Variants in TENM3 observed in about 807,000 individuals in gnomAD.
The protein encoded by TENM3 is teneurin transmembrane protein 3.
Under a neutral mutation model 255.1 loss-of-function variants are expected in TENM3, and 63 were observed. The observed-to-expected ratio is 0.25, with a 90% CI of 0.20 to 0.30. The LOEUF is 0.30. Among genes scored for constraint, TENM3 ranks in the 10% least tolerant of loss-of-function variants. The probability of loss-of-function intolerance (pLI) is 1.00; values close to 1 mark genes in which losing one functional copy is unlikely to be tolerated. For missense variants in TENM3, 2,929 were observed against 3,461.1 expected (o/e 0.85, Z 3.86); for synonymous variants, 1,306 against 1,322.3 (o/e 0.99, Z 0.27).
At chr4:182,142,341 T>G (rs1350698533), upstream of TENM3, 1 of 159,064 alleles carries the variant, frequency 6.3e-6, no homozygotes, top group Non-Finnish European at 1.5e-5. Context: ...ACTTCTCTAC[T>G]TAACGCGCTG....
upstream of TENM3, among the ~76,000 whole-genome samples, chr4:182,242,503 A>G (rs1191021517): frequency 1.8e-4 from 28 of 152,116 alleles, no homozygotes; most frequent in Admixed American, 1.8e-3. Context: ...GCTCATGCTT[A>G]TAACCCCAGC....
the TENM3 span, among the ~76,000 whole-genome samples, chr4:181,679,566 C>A: frequency 1.3e-3 from 198 of 152,146 alleles, no homozygotes; most frequent in African/African-American, 4.4e-3. Context: ...ATTCACTGTC[C>A]TAGATGGAAA....
the TENM3 span, among the ~76,000 whole-genome samples, chr4:181,570,212 A>AT: frequency 5.3e-5 from 8 of 151,592 alleles, no homozygotes; most frequent in Non-Finnish European, 1.2e-4. Flanking sequence ...CGCCCGGCTA[A>AT]TTTTTTGTAT....
intron 1 of TENM3, among the ~76,000 whole-genome samples, chr4:182,288,939 C>T (rs1760924556): frequency 2.0e-5 from 3 of 152,076 alleles, no homozygotes; most frequent in South Asian, 4.1e-4. Context: ...AAGATTCATG[C>T]GAGGGCCAGG....
At chr4:181,741,986 C>T in the TENM3 span, among the ~76,000 whole-genome samples, 3 of 152,252 alleles carry the variant, frequency 2.0e-5, no homozygotes, top group Non-Finnish European at 4.4e-5. Flanking sequence ...ACACTTATTA[C>T]TTATCGCTTG....
At chr4:182,299,632 C>T (rs755564015) in intron 1 of TENM3, among the ~76,000 whole-genome samples, 4 of 152,126 alleles carry the variant, frequency 2.6e-5, no homozygotes, top group Non-Finnish European at 5.9e-5. Flanking sequence ...TAGCAGGCAC[C>T]TCAGGATAAT....
chr4:182,689,144 A>G (rs778717509), intron 12 of TENM3, among the ~76,000 whole-genome samples: 5 of 152,328 alleles, frequency 3.3e-5, no homozygotes, highest in East Asian at 1.9e-4. Flanking sequence ...ATAAATTTCT[A>G]TATCACTTCA....
intron 3 of TENM3, among the ~76,000 whole-genome samples, chr4:182,581,286 A>C (rs919224928): frequency 2.0e-5 from 3 of 152,354 alleles, no homozygotes; most frequent in Non-Finnish European, 2.9e-5. Context: ...AAGAAATTAA[A>C]GAGTTACCGG....
chr4:182,366,456 A>G (rs1381013064), intron 3 of TENM3, among the ~76,000 whole-genome samples: 2 of 151,832 alleles, frequency 1.3e-5, no homozygotes, highest in African/African-American at 4.8e-5. Context: ...ATTCATCTGA[A>G]TTTTGTAATG....
chr4:182,733,840 G>A (rs147115908), intron 16 of TENM3, among the ~76,000 whole-genome samples: 97 of 152,230 alleles, frequency 6.4e-4, no homozygotes, highest in African/African-American at 2.1e-3. Flanking sequence ...TCTAAACTTC[G>A]TAGTCAGTCC....
the TENM3 span, among the ~76,000 whole-genome samples, chr4:181,720,849 T>A: frequency 2.0e-5 from 3 of 151,994 alleles, no homozygotes; most frequent in Non-Finnish European, 4.4e-5. Context: ...CTTGTGTGAG[T>A]CATAAACTAA....
chr4:181,872,333 A>T, the TENM3 span, among the ~76,000 whole-genome samples: 2 of 120,182 alleles, frequency 1.7e-5, no homozygotes, highest in African/African-American at 6.0e-5. Flanking sequence ...TTAAACTTTT[A>T]TTTTAAGTTC....
At chr4:181,947,259 T>C in the TENM3 span, among the ~76,000 whole-genome samples, 53 of 152,358 alleles carry the variant, frequency 3.5e-4, no homozygotes, top group Non-Finnish European at 4.6e-4. Flanking sequence ...TACGTACACT[T>C]GTGACAAAGT....
chr4:181,543,756 G>A, the TENM3 span, among the ~76,000 whole-genome samples: 3,105 of 152,196 alleles, frequency 0.02, 91 homozygotes, highest in African/African-American at 0.07. Context: ...TTAGTGTTTC[G>A]TATTAGGCTG....
At chr4:181,751,703 T>C in the TENM3 span, among the ~76,000 whole-genome samples, 1 of 152,100 alleles carries the variant, frequency 6.6e-6, no homozygotes, top group East Asian at 1.9e-4. Context: ...ACAGAAAAAA[T>C]CCTACGGTTG....
chr4:182,220,941 G>A (rs886880912), intron 1 of TENM3, among the ~76,000 whole-genome samples: 1 of 152,186 alleles, frequency 6.6e-6, no homozygotes, highest in African/African-American at 2.4e-5. Context: ...CCCAGCATAC[G>A]AAACTAAGAT....
At chr4:181,472,048 G>A in the TENM3 span, among the ~76,000 whole-genome samples, 2 of 152,040 alleles carry the variant, frequency 1.3e-5, no homozygotes, top group African/African-American at 4.8e-5. Context: ...GTCTTCCTGG[G>A]AGAAAGGAGA....
the TENM3 span, among the ~76,000 whole-genome samples, chr4:181,883,126 C>CTTTTTTTTATTT: frequency 9.4e-6 from 1 of 106,690 alleles, no homozygotes; most frequent in Non-Finnish European, 1.9e-5. Flanking sequence ...TGCAATTAAT[C>CTTTTTTTTATTT]TTTTTTTTTT....
At chr4:181,763,168 A>G in the TENM3 span, among the ~76,000 whole-genome samples, 1 of 152,214 alleles carries the variant, frequency 6.6e-6, no homozygotes, top group Non-Finnish European at 1.5e-5. Context: ...GTGGAGAGCT[A>G]AACTACCATT....
Sources: allele counts gnomAD v4.1 joint callset (sites outside exome capture counted in the v4.1 genomes callset), GRCh38; gene constraint gnomAD v4.1.1; transcripts MANE v1.5; gene names NCBI Gene and HGNC (gene_info 2026-07-23, HGNC 2026-07-21).